CACNA1C: variants seen among roughly 807,000 people sequenced by gnomAD.
The protein encoded by CACNA1C is calcium voltage-gated channel subunit alpha1 C.
Under a neutral mutation model 229.0 loss-of-function variants are expected in CACNA1C, and 30 were observed. That is an observed-to-expected ratio of 0.13 (90% CI 0.10 to 0.18). The LOEUF is 0.18. CACNA1C is among the 10% of genes least tolerant of loss of function. The probability of loss-of-function intolerance (pLI) is 1.00; values close to 1 mark genes in which losing one functional copy is unlikely to be tolerated. For synonymous variants in CACNA1C, 1,114 were observed against 1,132.5 expected, an observed-to-expected ratio of 0.98 and a Z score of 0.33; for missense variants, 1,658 against 2,845.0, an observed-to-expected ratio of 0.58 and a Z score of 9.49.
upstream of CACNA1C, among the ~76,000 whole-genome samples, chr12:2,050,995 G>A (rs777956238): frequency 5.3e-5 from 8 of 152,164 alleles, no homozygotes; most frequent in Non-Finnish European, 8.8e-5. Flanking sequence ...TGCCTTCATG[G>A]GGGTTACATT....
At position 2,588,151 on chromosome 12, in the gene CACNA1C, G is replaced by A. The variant is rs1218074851; in HGVS notation, c.2530+2247G>A. ...TCCCAGAGACTCCTCCGAAGATCAC[G>A]TGGCCTGTTGTCTCTGTTCTGGTCA... is the stretch of plus-strand genomic sequence containing the variant. On this transcript the variant is annotated intron_variant, in intron 18 of 46. Transcript: ENST00000399655. Among the ~76,000 whole-genome samples, 10 of 152,174 alleles carry A rather than the reference G, an allele frequency of 6.6e-5. No individual in the cohort carries two copies. The South Asian group carries it at 1.0e-3, about 16-fold the overall frequency.
Position 2,019,549 on chromosome 12 carries a change from A to AGAAG in CACNA1C, c.139+48364_139+48367dup, listed in dbSNP as rs367805196. On this transcript the variant is annotated intron_variant, in intron 1 of 46. Transcript: ENST00000682462. ...GAAGGAAAAGAAAGGAAGGAAGGAAAGAAGGAAGGAAGGAAGGAAAGAAAA... is the reference window on the plus strand; with the variant it reads ...GAAGGAAAAGAAAGGAAGGAAGGAAAGAAGGAAGGAAGGAAGGAAGGAAAGAAAA... Among the ~76,000 whole-genome samples, 167 of 148,724 alleles carry AGAAG rather than the reference A, an allele frequency of 1.1e-3. 1 individual carries two copies. The highest frequency in any genetic ancestry group is 4.1e-3 in the African/African-American group (164 of 40,004).
chr12:2,236,821 G>A (rs562297104), intron 3 of CACNA1C, among the ~76,000 whole-genome samples: 41 of 152,216 alleles, frequency 2.7e-4, no homozygotes, highest in Non-Finnish European at 5.0e-4. Flanking sequence ...GAGTGGTGCC[G>A]GGCCCACACT....
In CACNA1C at chr12:2,053,725, G is replaced by C. The variant is rs2154503091; in HGVS notation, c.49+114G>C. The C allele has an allele frequency of 9.6e-7, 1 of 1,039,852 alleles. No homozygotes were observed. The highest frequency in any genetic ancestry group is 1.2e-6 in the Non-Finnish European group (1 of 821,472). The allele number at this position is 1,039,852 out of a possible 1,614,324, so 64.4% of individuals were successfully genotyped here. A position where few individuals can be genotyped will look rare whatever the true frequency, so the allele number is the denominator to read the frequency against. Reference sequence around the variant, plus strand: ...GGTCCCTGCGGAGTGGCCCGGGGCCGCGTCCGCGAGGGGCGCCTCCGCCTC... The same window carrying C: ...GGTCCCTGCGGAGTGGCCCGGGGCCCCGTCCGCGAGGGGCGCCTCCGCCTC... On this transcript the variant is annotated intron_variant, in intron 1 of 46. Coordinates refer to ENST00000399655, the MANE Select transcript of CACNA1C (RefSeq NM_000719.7). The surrounding 1 kb of genome is among the most constrained non-coding windows in gnomAD (Gnocchi z 5.8).
At chr12:2,261,136 G>T (rs1014398788) in intron 3 of CACNA1C, among the ~76,000 whole-genome samples, 1 of 152,020 alleles carries the variant, frequency 6.6e-6, no homozygotes. Context: ...GAAGGCTGAG[G>T]CAGGAGAATG....
chr12:2,484,411 G>A (rs769245153), intron 5 of CACNA1C, among the ~76,000 whole-genome samples: 2 of 152,156 alleles, frequency 1.3e-5, no homozygotes, highest in Non-Finnish European at 2.9e-5. Context: ...TGGAGAGGTG[G>A]GTGTAGCCAG....
rs146858973 is a variant in CACNA1C at position 2,262,189 on chromosome 12, C to G, written c.477+141759C>G. Among the ~76,000 whole-genome samples the G allele has an allele frequency of 2.5e-3, 376 of 152,348 alleles. 3 individuals are homozygous for G. The highest frequency in any genetic ancestry group is 8.4e-3 in the African/African-American group (349 of 41,580). On this transcript the variant is annotated intron_variant, in intron 3 of 46. Coordinates refer to ENST00000399655, the MANE Select transcript of CACNA1C (RefSeq NM_000719.7). ...GAGATGCTAAGATGCAGGCTAGAGT[C>G]GATGACTTGGTCCTCCCATCAGGGG...
intron 1 of CACNA1C, among the ~76,000 whole-genome samples, chr12:2,032,333 A>G (rs1376986412): frequency 1.3e-5 from 2 of 152,102 alleles, no homozygotes; most frequent in South Asian, 2.1e-4. Context: ...CACCTGCCGT[A>G]TTTTGGGTGT....
At chr12:2,314,365 G>A (rs2095582066) in intron 3 of CACNA1C, among the ~76,000 whole-genome samples, 3 of 152,294 alleles carry the variant, frequency 2.0e-5, no homozygotes, top group African/African-American at 7.2e-5. Flanking sequence ...AAATGTCATT[G>A]AGGTACAGCA....
chr12:2,612,236 G>C, intron 29 of CACNA1C: 1 of 509,994 alleles, frequency 2.0e-6, no homozygotes, highest in East Asian at 3.3e-5. Flanking sequence ...ACCCTGGCTG[G>C]CATGCACAAG....
chr12:2,628,174 G>A (rs2088095001), intron 29 of CACNA1C, among the ~76,000 whole-genome samples: 1 of 152,162 alleles, frequency 6.6e-6, no homozygotes, highest in Non-Finnish European at 1.5e-5. Flanking sequence ...AGGAGCGAAG[G>A]ACTCGGAATT....
chr12:2,139,756 C>G (rs564512407), intron 3 of CACNA1C, among the ~76,000 whole-genome samples: 2 of 151,460 alleles, frequency 1.3e-5, no homozygotes, highest in East Asian at 3.9e-4. Context: ...CCTCCTCATT[C>G]TCTGCCTCCT....
chr12:2,105,548 G>A (rs899249030), intron 1 of CACNA1C, among the ~76,000 whole-genome samples: 3 of 152,210 alleles, frequency 2.0e-5, no homozygotes, highest in African/African-American at 4.8e-5. Flanking sequence ...GCGGCATGGC[G>A]GCGGGCGCAT....
chr12:2,122,876 C>G (rs543490467), intron 3 of CACNA1C, among the ~76,000 whole-genome samples: 2 of 152,204 alleles, frequency 1.3e-5, no homozygotes, highest in Non-Finnish European at 2.9e-5. Flanking sequence ...CATTACAACC[C>G]GAGAGAACTC....
At chr12:2,652,514 C>G (rs953907341) in intron 32 of CACNA1C, among the ~76,000 whole-genome samples, 5 of 152,346 alleles carry the variant, frequency 3.3e-5, no homozygotes, top group African/African-American at 1.2e-4. Context: ...AGGCTTCTCT[C>G]CCCCCATGGA....
chr12:2,376,625 TAGGGGGCTGTGAGC>T (rs2098078939), intron 3 of CACNA1C, among the ~76,000 whole-genome samples: 1 of 152,138 alleles, frequency 6.6e-6, no homozygotes, highest in Non-Finnish European at 1.5e-5. Context: ...TGTAATAGGC[TAGGGGGCTGTGAGC>T]TGCAGTATAT....
intron 10 of CACNA1C, among the ~76,000 whole-genome samples, 189 bp downstream of exon 10, chr12:2,550,222 C>CGG: frequency 6.6e-6 from 1 of 152,184 alleles, no homozygotes; most frequent in African/African-American, 2.4e-5. Context: ...GTGGCCCTGG[C>CGG]CGGGGGTGAG....
intron 1 of CACNA1C, among the ~76,000 whole-genome samples, chr12:2,079,847 G>A (rs763484591): frequency 3.9e-5 from 6 of 152,156 alleles, no homozygotes; most frequent in Admixed American, 6.5e-5. Flanking sequence ...CTGAAGATGA[G>A]CTTACAGTAA....
At chr12:2,544,473 T>C (rs980240398) in intron 9 of CACNA1C, among the ~76,000 whole-genome samples, 1 of 152,236 alleles carries the variant, frequency 6.6e-6, no homozygotes, top group Non-Finnish European at 1.5e-5. Flanking sequence ...ACTTCCCACC[T>C]GCATTTGCTG....
Sources: allele counts gnomAD v4.1 joint callset (sites outside exome capture counted in the v4.1 genomes callset), GRCh38; gene constraint gnomAD v4.1.1; non-coding constraint Gnocchi (gnomAD v3.1); transcripts MANE v1.5; gene names NCBI Gene and HGNC (gene_info 2026-07-23, HGNC 2026-07-21).